The following WDR35 variants were observed in gnomAD, a reference collection of about 807,000 sequenced individuals.
WDR35 encodes the protein WD repeat-containing protein 35.
A neutral mutation model predicts 158.3 loss-of-function variants in WDR35; 118 were observed. The observed-to-expected ratio is 0.75, with a 90% CI of 0.64 to 0.87. The LOEUF (loss-of-function observed/expected upper bound fraction) is 0.87. WDR35 is among the 40% of genes least tolerant of loss of function. The pLI is 0.00. For synonymous variants in WDR35, 448 were observed against 476.1 expected, an observed-to-expected ratio of 0.94 and a Z score of 0.77; for missense variants, 1,263 against 1,405.8, an observed-to-expected ratio of 0.90 and a Z score of 1.62.
chr2:19,947,314 C>G (rs926537292), intron 14 of WDR35, among the ~76,000 whole-genome samples: 7 of 152,092 alleles, frequency 4.6e-5, no homozygotes, highest in African/African-American at 1.7e-4. Flanking sequence ...GCATGAGTCT[C>G]ATGAGGGCTT....
chr2:19,958,083 T>A (rs1671507145), intron 11 of WDR35, among the ~76,000 whole-genome samples: 1 of 152,220 alleles, frequency 6.6e-6, no homozygotes, highest in Non-Finnish European at 1.5e-5. Context: ...CCCTTTCAAG[T>A]GCTGGTAAAT....
intron 13 of WDR35, among the ~76,000 whole-genome samples, chr2:19,948,752 G>A (rs1023960631): frequency 1.3e-5 from 2 of 152,074 alleles, no homozygotes; most frequent in African/African-American, 4.8e-5. Flanking sequence ...CTATAGAGAT[G>A]GAGAACATAT....
intron 3 of WDR35, among the ~76,000 whole-genome samples, chr2:19,982,103 C>A (rs953562431): frequency 1.3e-5 from 2 of 152,118 alleles, no homozygotes; most frequent in Non-Finnish European, 2.9e-5. Context: ...ACTTCGAGTG[C>A]CCATACAACC....
intron 2 of WDR35, among the ~76,000 whole-genome samples, chr2:19,983,449 GA>G (rs1417413087): frequency 7.2e-5 from 11 of 152,186 alleles, no homozygotes; most frequent in Non-Finnish European, 1.6e-4. Flanking sequence ...AAAGTGCAAT[GA>G]AAACCTCTAA....
At chr2:19,984,933 A>G (rs1012662034) in intron 2 of WDR35, among the ~76,000 whole-genome samples, 13 of 152,228 alleles carry the variant, frequency 8.5e-5, no homozygotes, top group African/African-American at 3.1e-4. Flanking sequence ...CATATTCGCC[A>G]GATTCTCTGG....
chr2:19,921,360 G>A (rs1670162499), intron 25 of WDR35, among the ~76,000 whole-genome samples: 1 of 152,098 alleles, frequency 6.6e-6, no homozygotes, highest in Admixed American at 6.5e-5. Context: ...AAACGGCACG[G>A]TACTGGTACC....
intron 9 of WDR35, among the ~76,000 whole-genome samples, chr2:19,969,087 C>A (rs1055499922): frequency 6.6e-6 from 1 of 152,224 alleles, no homozygotes; most frequent in Admixed American, 6.5e-5. Flanking sequence ...ACAGCCACAG[C>A]TCTTGTGGGT....
At chr2:19,962,275 G>C in intron 10 of WDR35, 1 of 1,612,810 alleles carries the variant, frequency 6.2e-7, no homozygotes. Flanking sequence ...AGCTATATAA[G>C]AGCTAATTTC....
chr2:19,952,811 CG>C (rs531501969), intron 12 of WDR35, among the ~76,000 whole-genome samples: 2,317 of 104,412 alleles, frequency 0.022, 29 homozygotes, highest in Admixed American at 0.034. Context: ...TTTTTTGAGA[CG>C]GAGTCTCGCT....
intron 10 of WDR35, 151 bp from the exon 11 acceptor site, chr2:19,960,765 A>T (rs1671624103): frequency 1.6e-6 from 1 of 637,752 alleles, no homozygotes; most frequent in Non-Finnish European, 2.7e-6. Flanking sequence ...TAGCAGACAA[A>T]AAGAAAGATG....
intron 25 of WDR35, among the ~76,000 whole-genome samples, chr2:19,919,327 G>A (rs1345396661): frequency 2.8e-5 from 4 of 144,212 alleles, no homozygotes; most frequent in African/African-American, 8.0e-5. Context: ...CTTGCAGTGA[G>A]CTGAGATTGC....
chr2:19,932,329 T>C lies in WDR35; in HGVS notation c.2777A>G (p.Tyr926Cys), dbSNP rs75602337. The C allele has an allele frequency of 1.6e-4, 260 of 1,613,346 alleles. 1 individual carries two copies. In the East Asian group the frequency reaches 4.2e-3, roughly 26 times the overall value. Residue 926 changes from tyrosine (Y) to cysteine (C), a missense_variant, in exon 23 of 27, where the codon TAT becomes TGT. By Grantham distance (194) the Tyr-to-Cys change is radical (BLOSUM62 -2). Coordinates refer to ENST00000281405, the MANE Select transcript of WDR35 (RefSeq NM_020779.4). ...ATCAAAAAAGTAATTGGCTTTCCGA[T>C]AGAGTTCTATGGCATCAAGAGTTTT... is the stretch of plus-strand genomic sequence containing the variant. ...KNKTLDAIEL[Y>C]RKANYFFDAA...
At chr2:19,972,904 T>A (rs1266665941) in intron 8 of WDR35, among the ~76,000 whole-genome samples, 1 of 152,062 alleles carries the variant, frequency 6.6e-6, no homozygotes, top group Non-Finnish European at 1.5e-5. Flanking sequence ...GCTCTCACTT[T>A]CTAAATTCTT....
intron 25 of WDR35, among the ~76,000 whole-genome samples, chr2:19,922,657 G>C (rs1670206918): frequency 6.6e-6 from 1 of 152,080 alleles, no homozygotes; most frequent in Non-Finnish European, 1.5e-5. Flanking sequence ...CAACGCATGT[G>C]TATACCTATG....
intron 25 of WDR35, among the ~76,000 whole-genome samples, chr2:19,915,084 TA>T (rs988463624): frequency 2.0e-5 from 3 of 151,768 alleles, no homozygotes; most frequent in Non-Finnish European, 4.4e-5. Flanking sequence ...TAAAGTATAA[TA>T]AAAAAAGCAG....
intron 7 of WDR35, 44 bp downstream of exon 7, chr2:19,974,424 A>G (rs1672137359): frequency 6.6e-7 from 1 of 1,511,960 alleles, no homozygotes; most frequent in Non-Finnish European, 8.9e-7. Context: ...GAAAAAAAAA[A>G]AAATAGAAAT....
At chr2:19,948,060 C>T in intron 14 of WDR35, 104 bp downstream of exon 14, 1 of 906,788 alleles carries the variant, frequency 1.1e-6, no homozygotes, top group Non-Finnish European at 1.7e-6. Context: ...GCTTCAGCTT[C>T]CCAAGTAACT....
intron 25 of WDR35, among the ~76,000 whole-genome samples, chr2:19,919,690 C>T (rs1670107645): frequency 6.6e-6 from 1 of 151,956 alleles, no homozygotes; most frequent in South Asian, 2.1e-4. Context: ...GAAGCAAGAG[C>T]AAACAAATTC....
At chr2:19,982,355 T>C (rs1423906764) in intron 3 of WDR35, 108 bp downstream of exon 3, 5 of 1,090,496 alleles carry the variant, frequency 4.6e-6, no homozygotes, top group East Asian at 2.6e-5. Flanking sequence ...GCATCTGTAC[T>C]GTAAATATTA....
Sources: gnomAD v4.1 joint callset for allele counts (sites outside exome capture counted in the v4.1 genomes callset) on GRCh38, gnomAD v4.1.1 for gene constraint, MANE v1.5 for transcripts, NCBI Gene and HGNC (gene_info 2026-07-23, HGNC 2026-07-21) for gene names.